Variants in MKLN1 observed in about 807,000 individuals in gnomAD.
MKLN1 encodes muskelin 1.
MKLN1 carries 18 observed loss-of-function variants against 99.0 expected under a neutral mutation model. The ratio of observed to expected loss-of-function variants is 0.18; its 90% CI spans 0.13 to 0.27. MKLN1 has a LOEUF of 0.27. MKLN1 is among the 10% of genes least tolerant of loss of function. The pLI is 1.00. For synonymous variants in MKLN1, 288 were observed against 293.2 expected (o/e 0.98, Z 0.18); for missense variants, 621 against 875.9 (o/e 0.71, Z 3.67).
chr7:131,415,825 T>C (rs968384300), intron 8 of MKLN1, among the ~76,000 whole-genome samples: 1 of 152,212 alleles, frequency 6.6e-6, no homozygotes, highest in Non-Finnish European at 1.5e-5. Flanking sequence ...TTTATGAATA[T>C]AGACATGAAA....
chr7:131,424,016 G>A (rs1795280279), intron 8 of MKLN1, among the ~76,000 whole-genome samples: 1 of 152,112 alleles, frequency 6.6e-6, no homozygotes, highest in Non-Finnish European at 1.5e-5. Flanking sequence ...ATACTTCAAG[G>A]GGATGGCTTA....
At chr7:131,233,867 C>T (rs970443663) in intron 3 of MKLN1, among the ~76,000 whole-genome samples, 1 of 151,958 alleles carries the variant, frequency 6.6e-6, no homozygotes, top group East Asian at 1.9e-4. Flanking sequence ...AAAACACATA[C>T]CAGAGTTATG....
chr7:131,236,678 A>G (rs559761256), intron 3 of MKLN1, among the ~76,000 whole-genome samples: 1 of 152,174 alleles, frequency 6.6e-6, no homozygotes, highest in African/African-American at 2.4e-5. Flanking sequence ...AATTTTAAAA[A>G]AAGTAGTGAT....
intron 14 of MKLN1, 33 bp downstream of exon 14, chr7:131,464,441 A>G (rs747224387): frequency 7.9e-7 from 1 of 1,270,254 alleles, no homozygotes; most frequent in Admixed American, 1.7e-5. Flanking sequence ...TAAACTTTCC[A>G]TGGCCTACTA....
chr7:131,302,143 G>A (rs376206256), intron 3 of MKLN1, among the ~76,000 whole-genome samples: 8 of 152,132 alleles, frequency 5.3e-5, no homozygotes, highest in Admixed American at 1.3e-4. Context: ...TATTTCTATC[G>A]CCTCTATTAT....
intron 1 of MKLN1, among the ~76,000 whole-genome samples, chr7:131,136,829 AC>A (rs1795656117): frequency 6.6e-6 from 1 of 152,018 alleles, no homozygotes; most frequent in South Asian, 2.1e-4. Flanking sequence ...CTCTGGGAGG[AC>A]CTTCTGCAGG....
intron 3 of MKLN1, among the ~76,000 whole-genome samples, chr7:131,239,691 C>T (rs1226579743): frequency 2.0e-5 from 3 of 152,108 alleles, no homozygotes; most frequent in Non-Finnish European, 2.9e-5. Context: ...CCCATGTTTA[C>T]ATTAAATGTC....
At chr7:131,232,677 T>A (rs1384889105) in intron 3 of MKLN1, among the ~76,000 whole-genome samples, 1 of 152,182 alleles carries the variant, frequency 6.6e-6, no homozygotes, top group Non-Finnish European at 1.5e-5. Context: ...AATGAAAAAC[T>A]GTACTCCTCA....
At chr7:131,111,566 T>C (rs1316376009) in intron 1 of MKLN1, among the ~76,000 whole-genome samples, 1 of 152,132 alleles carries the variant, frequency 6.6e-6, no homozygotes, top group African/African-American at 2.4e-5. Context: ...AATATTCCAA[T>C]TAAATTGTAA....
At chr7:131,143,481 T>A (rs960533943) in intron 2 of MKLN1, among the ~76,000 whole-genome samples, 3 of 151,200 alleles carry the variant, frequency 2.0e-5, no homozygotes, top group Admixed American at 1.3e-4. Flanking sequence ...AAAGAAAAAA[T>A]TCTTCATCAT....
chr7:131,410,426 T>A (rs1472748094), intron 6 of MKLN1, among the ~76,000 whole-genome samples: 3 of 152,204 alleles, frequency 2.0e-5, no homozygotes, highest in Non-Finnish European at 4.4e-5. Flanking sequence ...ATTTGGTAAG[T>A]GTTCCATAAG....
chr7:131,119,055 C>A (rs1308110556), intron 1 of MKLN1, among the ~76,000 whole-genome samples: 1 of 152,158 alleles, frequency 6.6e-6, no homozygotes, highest in Non-Finnish European at 1.5e-5. Context: ...AAGTTTAAGT[C>A]CAATATCTCA....
intron 1 of MKLN1, among the ~76,000 whole-genome samples, chr7:131,140,479 T>C (rs1480352919): frequency 6.6e-6 from 1 of 152,170 alleles, no homozygotes; most frequent in Non-Finnish European, 1.5e-5. Flanking sequence ...GGTGCCTTTC[T>C]TGCTGTGATG....
At chr7:131,297,570 A>G (rs1798312036) in intron 3 of MKLN1, among the ~76,000 whole-genome samples, 1 of 152,030 alleles carries the variant, frequency 6.6e-6, no homozygotes, top group African/African-American at 2.4e-5. Context: ...GGGGCCTTAG[A>G]ACCACTCCCC....
intron 3 of MKLN1, among the ~76,000 whole-genome samples, chr7:131,272,631 G>A (rs1326836366): frequency 6.6e-6 from 1 of 152,150 alleles, no homozygotes; most frequent in Non-Finnish European, 1.5e-5. Flanking sequence ...AGACTGGGAA[G>A]AAAAAGAGGT....
At chr7:131,128,706 C>G (rs1056469580) in intron 1 of MKLN1, among the ~76,000 whole-genome samples, 67 of 152,058 alleles carry the variant, frequency 4.4e-4, no homozygotes, top group Non-Finnish European at 1.5e-5. Flanking sequence ...TAACCTTGAA[C>G]TCCTGGGCTC....
intron 2 of MKLN1, among the ~76,000 whole-genome samples, chr7:131,182,803 G>C (rs1796394526): frequency 6.6e-6 from 1 of 152,190 alleles, no homozygotes; most frequent in Non-Finnish European, 1.5e-5. Flanking sequence ...ATGCACTAGA[G>C]TACAGAAATA....
At chr7:131,392,715 C>G (rs565775632) in intron 4 of MKLN1, among the ~76,000 whole-genome samples, 5 of 151,574 alleles carry the variant, frequency 3.3e-5, no homozygotes, top group Non-Finnish European at 5.9e-5. Flanking sequence ...AAGCGATTCT[C>G]CTGCCTCAGC....
chr7:131,394,477 A>G (rs1299304752), intron 4 of MKLN1, among the ~76,000 whole-genome samples: 1 of 151,942 alleles, frequency 6.6e-6, no homozygotes, highest in African/African-American at 2.4e-5. Context: ...GCAGTTCATG[A>G]TAGAGTTTGC....
Sources: gnomAD v4.1 joint callset for allele counts (sites outside exome capture counted in the v4.1 genomes callset) on GRCh38, gnomAD v4.1.1 for gene constraint, MANE v1.5 for transcripts, NCBI Gene and HGNC (gene_info 2026-07-23, HGNC 2026-07-21) for gene names.